Variants in GPC6 observed in about 807,000 individuals in gnomAD.
GPC6 encodes the protein glypican-6.
In GPC6, 14 loss-of-function variants were observed where a neutral mutation model predicts 55.2. The observed-to-expected ratio is 0.25, with a 90% CI of 0.17 to 0.40. The LOEUF is 0.40. Among genes scored for constraint, GPC6 ranks in the 10% least tolerant of loss-of-function variants. The pLI is 1.00. For missense variants in GPC6, 641 were observed against 708.5 expected (o/e 0.90, Z 1.08); for synonymous variants, 278 against 259.6 (o/e 1.07, Z -0.68).
At chr13:93,849,246 A>G (rs1666744036) in intron 3 of GPC6, among the ~76,000 whole-genome samples, 2 of 152,014 alleles carry the variant, frequency 1.3e-5, no homozygotes. Context: ...TAATATTCAT[A>G]TGCGTTATAA....
At position 93,641,462 on chromosome 13, in the gene GPC6, G is replaced by A. The variant is rs975582698; in HGVS notation, c.319+96041G>A. ...ACTTTTGGCAACATGCTTAACACACGAAGATCTTTCTTTCTCCATGTGTAA... is the reference window on the plus strand; with the variant it reads ...ACTTTTGGCAACATGCTTAACACACAAAGATCTTTCTTTCTCCATGTGTAA... On this transcript the variant is annotated intron_variant, in intron 2 of 8. Coordinates refer to ENST00000377047, the MANE Select transcript of GPC6 (RefSeq NM_005708.5). 4.6e-5 allele frequency among the ~76,000 whole-genome samples: 7 copies of A among 152,190 alleles called. No homozygotes were observed. In the South Asian group the frequency reaches 6.2e-4, roughly 14 times the overall value.
At chr13:94,303,010 G>A (rs1033218001) in intron 5 of GPC6, among the ~76,000 whole-genome samples, 1 of 152,238 alleles carries the variant, frequency 6.6e-6, no homozygotes, top group African/African-American at 2.4e-5. Context: ...CACCTCGCTG[G>A]ATCAGGAGCA....
chr13:93,478,116 T>C (rs7990894), intron 1 of GPC6, among the ~76,000 whole-genome samples: 50,744 of 151,942 alleles, frequency 0.33, 8,914 homozygotes, highest in East Asian at 0.61. Context: ...CAAGAAATGA[T>C]TTCTCTCTTT....
intron 1 of GPC6, among the ~76,000 whole-genome samples, chr13:93,438,228 C>T (rs571623446): frequency 4.6e-5 from 7 of 152,264 alleles, no homozygotes; most frequent in East Asian, 3.9e-4. Context: ...TTCATTCCTG[C>T]TAACACGATA....
At chr13:93,328,083 T>C (rs1275480361) in intron 1 of GPC6, among the ~76,000 whole-genome samples, 3 of 152,186 alleles carry the variant, frequency 2.0e-5, no homozygotes, top group African/African-American at 7.2e-5. Context: ...CAAACCATTA[T>C]GTATTTTCTT....
At chr13:94,169,475 C>T (rs1176531127) in intron 4 of GPC6, among the ~76,000 whole-genome samples, 1 of 152,026 alleles carries the variant, frequency 6.6e-6, no homozygotes, top group East Asian at 1.9e-4. Flanking sequence ...TCTTAAAATA[C>T]TAGAACTCAG....
chr13:94,092,963 A>G (rs1885543705), intron 4 of GPC6, among the ~76,000 whole-genome samples: 1 of 149,920 alleles, frequency 6.7e-6, no homozygotes, highest in South Asian at 2.1e-4. Flanking sequence ...TTTTAATTGG[A>G]TTATTTGTTT....
At chr13:93,333,196 T>C (rs2139139364) in intron 1 of GPC6, among the ~76,000 whole-genome samples, 1 of 152,304 alleles carries the variant, frequency 6.6e-6, no homozygotes, top group East Asian at 1.9e-4. Context: ...TGATTCTGTA[T>C]GCATTTTAGG....
intron 4 of GPC6, among the ~76,000 whole-genome samples, chr13:94,096,279 A>C (rs1304599187): frequency 2.0e-5 from 3 of 151,584 alleles, no homozygotes; most frequent in Non-Finnish European, 4.4e-5. Flanking sequence ...ACATTACTGA[A>C]CCTGCCGTGG....
At chr13:94,234,596 A>T (rs767616979) in intron 4 of GPC6, among the ~76,000 whole-genome samples, 26 of 150,758 alleles carry the variant, frequency 1.7e-4, no homozygotes, top group Admixed American at 4.6e-4. Context: ...TGATATGTCC[A>T]GATAGTTAGA....
rs79830670 is a variant in GPC6 at position 93,479,506 on chromosome 13, C to T, written c.161-65757C>T. Among the ~76,000 whole-genome samples, 647 of 152,116 alleles carry T rather than the reference C, an allele frequency of 4.3e-3. 3 individuals are homozygous for T. Among genetic ancestry groups the T allele is most frequent in the African/African-American group, 0.014 (596 of 41,494 alleles). On this transcript the variant is annotated intron_variant, in intron 1 of 8. Transcript: ENST00000377047. ...GCTGTTCAGCATGGGATGAAGGGCT[C>T]GACGTGGTGGCTCATGCTTGTAGTC...
intron 4 of GPC6, among the ~76,000 whole-genome samples, chr13:94,158,395 ACT>A (rs1888032887): frequency 6.8e-6 from 1 of 147,264 alleles, no homozygotes; most frequent in Non-Finnish European, 1.5e-5. Flanking sequence ...AAAAAAAAAG[ACT>A]AATCTGAGAA....
At chr13:93,621,317 G>T (rs567215262) in intron 2 of GPC6, among the ~76,000 whole-genome samples, 1 of 152,292 alleles carries the variant, frequency 6.6e-6, no homozygotes, top group African/African-American at 2.4e-5. Context: ...GAGGCTGAGA[G>T]AAAGTGAGGG....
chr13:94,090,822 T>A (rs1885453941), intron 4 of GPC6, among the ~76,000 whole-genome samples: 1 of 152,152 alleles, frequency 6.6e-6, no homozygotes, highest in East Asian at 1.9e-4. Context: ...CTGTCTCTAT[T>A]TAGCACACAA....
chr13:94,329,313 C>A (rs991229093), intron 6 of GPC6, among the ~76,000 whole-genome samples: 16 of 152,170 alleles, frequency 1.1e-4, no homozygotes, highest in African/African-American at 3.9e-4. Flanking sequence ...GGAATTTTCA[C>A]ATGAGTTCAC....
intron 4 of GPC6, among the ~76,000 whole-genome samples, chr13:94,255,074 A>G (rs887254791): frequency 6.6e-6 from 1 of 152,212 alleles, no homozygotes; most frequent in Non-Finnish European, 1.5e-5. Context: ...CAGAACAGGT[A>G]GTAAATGTTA....
intron 3 of GPC6, among the ~76,000 whole-genome samples, chr13:94,017,503 C>A (rs1177511770): frequency 1.3e-5 from 2 of 152,058 alleles, no homozygotes; most frequent in African/African-American, 4.8e-5. Flanking sequence ...TTATTCACTA[C>A]CATGAGAACA....
chr13:93,325,718 CAAAAAGA>C (rs2139129455), intron 1 of GPC6, among the ~76,000 whole-genome samples: 1 of 151,694 alleles, frequency 6.6e-6, no homozygotes, highest in South Asian at 2.1e-4. Flanking sequence ...CTTAAATCTA[CAAAAAGA>C]AAAAAGAAAG....
chr13:93,519,454 A>C (rs1205480941), intron 1 of GPC6, among the ~76,000 whole-genome samples: 1 of 152,040 alleles, frequency 6.6e-6, no homozygotes, highest in Non-Finnish European at 1.5e-5. Flanking sequence ...AGATAGAAAC[A>C]CTAAACAAAA....
Sources: allele counts gnomAD v4.1 joint callset (sites outside exome capture counted in the v4.1 genomes callset), GRCh38; gene constraint gnomAD v4.1.1; transcripts MANE v1.5; gene names NCBI Gene and HGNC (gene_info 2026-07-23, HGNC 2026-07-21).